LAMC1: variants seen among roughly 807,000 people sequenced by gnomAD.
LAMC1 encodes the protein laminin subunit gamma-1.
Under a neutral mutation model 173.6 loss-of-function variants are expected in LAMC1, and 38 were observed. The observed-to-expected ratio is 0.22, with a 90% CI of 0.17 to 0.29. The LOEUF is 0.29. Ranked by LOEUF, LAMC1 falls within the 10% of genes least tolerant of loss-of-function variation. The pLI is 1.00. For missense variants in LAMC1, 1,824 were observed against 2,051.8 expected, an observed-to-expected ratio of 0.89 and a Z score of 2.14; for synonymous variants, 746 against 749.1, an observed-to-expected ratio of 1.00 and a Z score of 0.07.
intron 1 of LAMC1, among the ~76,000 whole-genome samples, chr1:183,054,511 A>G (rs1654531610): frequency 6.6e-6 from 1 of 152,198 alleles, no homozygotes; most frequent in Non-Finnish European, 1.5e-5. Context: ...TGGCAACGAT[A>G]CTATAACACA....
At chr1:183,091,490 G>A (rs1558044878) in intron 1 of LAMC1, among the ~76,000 whole-genome samples, 1 of 151,838 alleles carries the variant, frequency 6.6e-6, no homozygotes, top group African/African-American at 2.4e-5. Flanking sequence ...CCCTCCCTCT[G>A]CCCTTCCTCT....
rs957429133 is a variant in LAMC1, at chr1:183,126,146, C to T, written c.2828C>T (p.Thr943Ile). 1.9e-6 allele frequency: 3 copies of T among 1,614,190 alleles called. No individual in the cohort carries two copies. The highest frequency in any genetic ancestry group is 1.1e-5 in the South Asian group (1 of 91,080). Reference sequence around the variant, plus strand: ...TGTGACTGCCATGCCTTGGGCTCCACCAATGGGCAGTGTGACATCCGCACC... The same window carrying T: ...TGTGACTGCCATGCCTTGGGCTCCATCAATGGGCAGTGTGACATCCGCACC... Reference protein sequence around the residue: ...ERCDCHALGSTNGQCDIRTGQ... With the variant: ...ERCDCHALGSINGQCDIRTGQ... The change falls in exon 16 of 28, where the codon ACC (threonine) becomes ATC (isoleucine). Residue 943 changes from threonine (T) to isoleucine (I), a missense_variant. Transcript: ENST00000258341.
At position 183,121,913 on chromosome 1, in the gene LAMC1, T is replaced by C. The variant is rs751696944; in HGVS notation, c.2181T>C (p.Asn727=). 3.7e-6 allele frequency: 6 copies of C among 1,614,228 alleles called. No homozygotes were observed. In the South Asian group the frequency reaches 5.5e-5, roughly 15 times the overall value. Residue 727 remains asparagine (N), a synonymous_variant, in exon 12 of 28, where the codon AAT becomes AAC. Transcript: ENST00000258341. ...GTCCATGTGTGCTTTGCGCCTGCAA[T>C]GGACACAGCGAGACCTGTGATCCTG... ...PYSPCVLCAC[N]GHSETCDPET...
At chr1:183,042,328 G>A (rs1404458309) in intron 1 of LAMC1, among the ~76,000 whole-genome samples, 1 of 152,094 alleles carries the variant, frequency 6.6e-6, no homozygotes, top group African/African-American at 2.4e-5. Flanking sequence ...CTTAACACTT[G>A]AAAATCTTAC....
In LAMC1 at chr1:183,125,527, G is replaced by T. The variant is rs1422038988; in HGVS notation, c.2778G>T (p.Leu926=). Residue 926 remains leucine (L), a synonymous_variant, in exon 15 of 28, where the codon CTG becomes CTT. Transcript: ENST00000258341. ...CTTGTGACCCTGGATTCTACAATCT[G>T]CAGAGTGGGCAAGGCTGTGAGAGGT... ...CGACDPGFYN[L]QSGQGCERCD... The T allele has an allele frequency of 6.2e-7, 1 of 1,608,652 alleles. No individual in the cohort carries two copies. The highest frequency in any genetic ancestry group is 8.5e-7 in the Non-Finnish European group (1 of 1,177,078).
chr1:183,083,468 T>C (rs559224907), intron 1 of LAMC1, among the ~76,000 whole-genome samples: 4 of 152,326 alleles, frequency 2.6e-5, no homozygotes, highest in Non-Finnish European at 5.9e-5. Flanking sequence ...ACTGAAACTT[T>C]GGTATAGGTA....
intron 1 of LAMC1, among the ~76,000 whole-genome samples, chr1:183,053,873 G>A (rs975491460): frequency 3.9e-5 from 6 of 152,080 alleles, no homozygotes; most frequent in East Asian, 1.9e-4. Context: ...CAATCCACCC[G>A]CCTCGGCCTC....
Position 183,142,898 on chromosome 1 carries a change from C to G in LAMC1, c.*108C>G. 8.9e-7 allele frequency: 1 copy of G among 1,123,504 alleles called. No homozygotes were observed. The highest frequency in any genetic ancestry group is 1.3e-6 in the Non-Finnish European group (1 of 789,412). The allele number at this position is 1,123,504 out of a possible 1,614,324, so 69.6% of individuals were successfully genotyped here. On this transcript the variant is annotated 3_prime_UTR_variant, in exon 28 of 28. Coordinates refer to ENST00000258341, the MANE Select transcript of LAMC1 (RefSeq NM_002293.4). ...TTTTCAGACCCCCACTCCTCTGCTG[C>G]TGTCCATGACTGTCCTTTTGAACCA... is the stretch of plus-strand genomic sequence containing the variant.
rs78644455 is a variant in LAMC1, at chr1:183,094,405, A to C, written c.419-8923A>C. Among the ~76,000 whole-genome samples, 74 of 152,352 alleles carry C rather than the reference A, an allele frequency of 4.9e-4. No individual in the cohort carries two copies. The East Asian group carries it at 0.013, about 26-fold the overall frequency. ...TTCGTTTTTCACCGTCATCTGACACACAGAATTTTCATTTTTATTTTAAAA... is the reference window on the plus strand; with the variant it reads ...TTCGTTTTTCACCGTCATCTGACACCCAGAATTTTCATTTTTATTTTAAAA... On this transcript the variant is annotated intron_variant, in intron 1 of 27. Coordinates refer to ENST00000258341, the MANE Select transcript of LAMC1 (RefSeq NM_002293.4).
chr1:183,040,535 A>T (rs1255861441), intron 1 of LAMC1, among the ~76,000 whole-genome samples: 1 of 152,230 alleles, frequency 6.6e-6, no homozygotes, highest in African/African-American at 2.4e-5. Flanking sequence ...CAGGGTATTA[A>T]ATCTTCGTAA....
intron 3 of LAMC1, among the ~76,000 whole-genome samples, chr1:183,109,332 A>G (rs1476068677): frequency 1.3e-5 from 2 of 152,190 alleles, no homozygotes; most frequent in African/African-American, 4.8e-5. Context: ...ATAGTATACA[A>G]TTGAGGGAAT....
chr1:183,111,472 G>A (rs1656151651), intron 4 of LAMC1, among the ~76,000 whole-genome samples: 1 of 152,018 alleles, frequency 6.6e-6, no homozygotes, highest in African/African-American at 2.4e-5. Context: ...CTGTTGGAGA[G>A]GTGGGTAGCT....
chr1:183,099,339 C>T (rs1655775706), intron 1 of LAMC1, among the ~76,000 whole-genome samples: 1 of 152,150 alleles, frequency 6.6e-6, no homozygotes, highest in South Asian at 2.1e-4. Flanking sequence ...ATCTGCCTGC[C>T]TCGGCCTCCC....
At chr1:183,060,873 T>C (rs79333900) in intron 1 of LAMC1, among the ~76,000 whole-genome samples, 3,659 of 152,292 alleles carry the variant, frequency 0.024, 148 homozygotes, top group African/African-American at 0.083. Flanking sequence ...AATATCGTGT[T>C]GAGAAGTAGG....
chr1:183,132,105 C>T (rs1359784134), intron 20 of LAMC1, among the ~76,000 whole-genome samples: 1 of 152,162 alleles, frequency 6.6e-6, no homozygotes, highest in Non-Finnish European at 1.5e-5. Context: ...TTGAGACCAG[C>T]CTGGCCAACA....
At chr1:183,105,527 A>G (rs1343201755) in intron 2 of LAMC1, among the ~76,000 whole-genome samples, 1 of 152,070 alleles carries the variant, frequency 6.6e-6, no homozygotes, top group Admixed American at 6.5e-5. Flanking sequence ...CATTTCCCCA[A>G]CTGTAAGAAT....
intron 1 of LAMC1, among the ~76,000 whole-genome samples, chr1:183,091,500 T>C (rs949438774): frequency 6.6e-6 from 1 of 152,092 alleles, no homozygotes; most frequent in East Asian, 1.9e-4. Context: ...GCCCTTCCTC[T>C]TCCTCCTTCC....
intron 4 of LAMC1, among the ~76,000 whole-genome samples, chr1:183,111,714 A>G (rs1304060040): frequency 6.6e-6 from 1 of 152,202 alleles, no homozygotes; most frequent in Non-Finnish European, 1.5e-5. Flanking sequence ...GAATAAAGAG[A>G]AAAAGAAGAT....
At chr1:183,121,021 A>G (rs1656455892) in intron 11 of LAMC1, among the ~76,000 whole-genome samples, 1 of 152,098 alleles carries the variant, frequency 6.6e-6, no homozygotes, top group African/African-American at 2.4e-5. Flanking sequence ...ACTCTTGTTC[A>G]TATCTCTTCT....
Sources: gnomAD v4.1 joint callset for allele counts (sites outside exome capture counted in the v4.1 genomes callset) on GRCh38, gnomAD v4.1.1 for gene constraint, MANE v1.5 for transcripts, NCBI Gene and HGNC (gene_info 2026-07-23, HGNC 2026-07-21) for gene names.